The following MACF1 variants were observed in gnomAD, a reference collection of about 807,000 sequenced individuals.
MACF1 encodes microtubule-actin cross-linking factor 1.
MACF1 carries 193 observed loss-of-function variants against 854.8 expected under a neutral mutation model. That is an observed-to-expected ratio of 0.23 (90% confidence interval 0.20 to 0.25). The LOEUF (loss-of-function observed/expected upper bound fraction) is 0.25. Ranked by LOEUF, MACF1 falls within the 10% of genes least tolerant of loss-of-function variation. The pLI, the probability that MACF1 is intolerant of heterozygous loss-of-function variation, is 1.00. For missense variants in MACF1, 7,722 were observed against 8,929.1 expected (o/e 0.86, Z 5.45); for synonymous variants, 3,185 against 3,226.7 (o/e 0.99, Z 0.44).
At chr1:39,139,894 G>C (rs1244449322) in intron 2 of MACF1, among the ~76,000 whole-genome samples, 1 of 151,928 alleles carries the variant, frequency 6.6e-6, no homozygotes, top group African/African-American at 2.4e-5. Context: ...GGAAATTAAG[G>C]CTTAAGGAGA....
intron 2 of MACF1, among the ~76,000 whole-genome samples, chr1:39,138,925 A>G (rs1320575903): frequency 6.6e-6 from 1 of 152,146 alleles, no homozygotes; most frequent in African/African-American, 2.4e-5. Flanking sequence ...TTGGCCTCCC[A>G]AAGTGCTGGG....
intron 2 of MACF1, among the ~76,000 whole-genome samples, chr1:39,195,851 G>A (rs1442045117): frequency 6.6e-6 from 1 of 152,154 alleles, no homozygotes; most frequent in Non-Finnish European, 1.5e-5. Context: ...GATTACTGTT[G>A]TGGTGAACGA....
At chr1:39,443,857 A>G (rs1644168651) in intron 79 of MACF1, among the ~76,000 whole-genome samples, 1 of 152,166 alleles carries the variant, frequency 6.6e-6, no homozygotes. Flanking sequence ...ACAAATATAC[A>G]ACACAGATGT....
In MACF1 at chr1:39,084,389, C is replaced by T; in HGVS notation, c.171C>T (p.Ser57=). Residue 57 remains serine (S), a synonymous_variant, in exon 2 of 94, where the codon AGC becomes AGT. Transcript: ENST00000361689. The surrounding 1 kb of genome is among the most constrained non-coding windows in gnomAD (Gnocchi z 5.2). ...TGCATGAGCAGAAAAAGCGGAAAAG[C>T]CAGGATTCGGTGCTGGACCCTGCAG... 1 of 1,613,182 alleles carries T rather than the reference C, an allele frequency of 6.2e-7. No homozygotes were observed. The highest frequency in any genetic ancestry group is 8.5e-7 in the Non-Finnish European group (1 of 1,180,016).
chr1:39,168,553 T>G (rs1643905189), intron 2 of MACF1, among the ~76,000 whole-genome samples: 1 of 152,128 alleles, frequency 6.6e-6, no homozygotes, highest in Admixed American at 6.6e-5. Flanking sequence ...GGTCTCGAAC[T>G]CCTGGGCTCA....
At chr1:39,385,376 C>A in intron 56 of MACF1, 58 bp from the exon 57 acceptor site, 3 of 1,574,132 alleles carry the variant, frequency 1.9e-6, no homozygotes, top group South Asian at 1.2e-5. Context: ...CCTGACACTG[C>A]TTTTAGATAG....
chr1:39,156,363 GC>G (rs1337023561), intron 2 of MACF1, among the ~76,000 whole-genome samples: 3 of 151,988 alleles, frequency 2.0e-5, no homozygotes, highest in Admixed American at 6.5e-5. Context: ...CTTACGCCAG[GC>G]CCCCAGCACT....
intron 31 of MACF1, 142 bp downstream of exon 31, chr1:39,319,889 T>C (rs1476782240): frequency 3.4e-6 from 2 of 588,272 alleles, no homozygotes; most frequent in Non-Finnish European, 2.9e-6. Flanking sequence ...TAAGCAGATG[T>C]GTATTTCCTG....
intron 72 of MACF1, among the ~76,000 whole-genome samples, chr1:39,440,781 C>T (rs574169119): frequency 7.9e-5 from 12 of 152,096 alleles, no homozygotes; most frequent in African/African-American, 2.9e-4. Context: ...CCTCACCATA[C>T]CTTTTCTATA....
intron 7 of MACF1, among the ~76,000 whole-genome samples, chr1:39,282,719 G>A (rs1418790454): frequency 6.6e-6 from 1 of 152,132 alleles, no homozygotes; most frequent in African/African-American, 2.4e-5. Context: ...TTTGGTGAGC[G>A]TGTTAAAGCA....
rs145148753 is a variant in MACF1, at chr1:39,331,580, C to T, written c.4992C>T (p.Ser1664=). ...TGGCAACTGGAGGTTTCAGTCTTTCCCCTAGTGAGAACTGTATTAACCTGG... is the reference window on the plus strand; with the variant it reads ...TGGCAACTGGAGGTTTCAGTCTTTCTCCTAGTGAGAACTGTATTAACCTGG... ...AHLATGGFSL[S]PSENCINLEE... The change falls in exon 37 of 101, where the codon TCC becomes TCT. Residue 1664 remains serine (S), a synonymous_variant. Coordinates refer to ENST00000564288, the MANE Select transcript of MACF1 (RefSeq NM_001394062.1). 2 of 1,614,130 alleles carry T rather than the reference C, an allele frequency of 1.2e-6. No homozygotes were observed. The highest frequency in any genetic ancestry group is 4.5e-5 in the East Asian group (2 of 44,890).
chr1:39,349,397 T>C, intron 41 of MACF1, 81 bp from the exon 42 acceptor site: 1 of 1,413,186 alleles, frequency 7.1e-7, no homozygotes, highest in Non-Finnish European at 9.7e-7. Flanking sequence ...ATAACCTTCC[T>C]GTTTTACATT....
At chr1:39,273,159 C>T (rs867104120) in intron 6 of MACF1, among the ~76,000 whole-genome samples, 2 of 135,080 alleles carry the variant, frequency 1.5e-5, no homozygotes, top group Admixed American at 7.8e-5. Context: ...TTTTTTGACA[C>T]GGAGTCTGGC....
At chr1:39,219,039 CCAAAGTG>C (rs1219917427) in intron 1 of MACF1, among the ~76,000 whole-genome samples, 1 of 152,162 alleles carries the variant, frequency 6.6e-6, no homozygotes, top group African/African-American at 2.4e-5. Context: ...TCTCAGCCTC[CCAAAGTG>C]CTGGGATTAC....
In MACF1 at chr1:39,375,496, T is replaced by A. The variant is rs369009284; in HGVS notation, c.13213+2900T>A. 3.3e-5 allele frequency among the ~76,000 whole-genome samples: 5 copies of A among 152,110 alleles called. No individual in the cohort carries two copies. The East Asian group carries it at 5.8e-4, about 18-fold the overall frequency. ...TTTTGTATTTTTAGTAGAGACAGGG[T>A]TTCACTGTGTTAGCCAGGATGGTCT... On this transcript the variant is annotated intron_variant, in intron 52 of 100. Transcript: ENST00000564288.
At position 39,084,406 on chromosome 1, in the gene MACF1, A is replaced by G. The variant is rs1557442259; in HGVS notation, c.188A>G (p.Asp63Gly). ...CGGAAAAGCCAGGATTCGGTGCTGG[A>G]CCCTGCAGAGCGTGCTGTGGTCAGA... Residue 63 changes from aspartate (D) to glycine (G), a missense_variant, in exon 2 of 94, where the codon GAC (aspartate) becomes GGC (glycine). Transcript: ENST00000361689. The surrounding 1 kb of genome is among the most constrained non-coding windows in gnomAD (Gnocchi z 5.2). 1 of 1,611,894 alleles carries G rather than the reference A, an allele frequency of 6.2e-7. No homozygotes were observed. The highest frequency in any genetic ancestry group is 1.7e-5 in the Admixed American group (1 of 60,006).
At chr1:39,244,111 T>A (rs1180931473) in intron 2 of MACF1, among the ~76,000 whole-genome samples, 2 of 150,754 alleles carry the variant, frequency 1.3e-5, no homozygotes, top group Non-Finnish European at 3.0e-5. Context: ...TTATTAAAAA[T>A]TTTTTTTGGG....
At chr1:39,268,734 G>T (rs1571240215) in intron 6 of MACF1, 1 of 1,287,050 alleles carries the variant, frequency 7.8e-7, no homozygotes, top group South Asian at 1.2e-5. Context: ...GGAGCCGAAA[G>T]AGTCAATAGC....
At chr1:39,244,187 G>A (rs934643190) in intron 2 of MACF1, among the ~76,000 whole-genome samples, 9 of 151,374 alleles carry the variant, frequency 5.9e-5, no homozygotes, top group South Asian at 2.1e-4. Context: ...TCACTGCAAC[G>A]TCTCCCTCCT....
Sources: gnomAD v4.1 joint callset for allele counts (sites outside exome capture counted in the v4.1 genomes callset) on GRCh38, gnomAD v4.1.1 for gene constraint, Gnocchi (gnomAD v3.1) non-coding constraint, MANE v1.5 for transcripts, NCBI Gene and HGNC (gene_info 2026-07-23, HGNC 2026-07-21) for gene names.